SLC25A24: variants seen among roughly 807,000 people sequenced by gnomAD.
SLC25A24 encodes mitochondrial adenyl nucleotide antiporter SLC25A24.
SLC25A24 carries 49 observed loss-of-function variants against 60.7 expected under a neutral mutation model. That is an observed-to-expected ratio of 0.81 (90% CI 0.64 to 1.02). The LOEUF is 1.02. Among genes scored for constraint, SLC25A24 ranks in the 50% least tolerant of loss-of-function variants. The pLI is 0.00. For missense variants in SLC25A24, 564 were observed against 586.3 expected (o/e 0.96, Z 0.39); for synonymous variants, 202 against 200.6 (o/e 1.01, Z -0.06).
intron 3 of SLC25A24, among the ~76,000 whole-genome samples, chr1:108,180,142 T>C (rs978885160): frequency 2.2e-4 from 33 of 152,120 alleles, no homozygotes; most frequent in African/African-American, 7.7e-4. Context: ...GATGGGTGGA[T>C]CACCTGATGT....
chr1:108,169,578 T>C (rs917672052), intron 3 of SLC25A24, among the ~76,000 whole-genome samples: 1 of 152,232 alleles, frequency 6.6e-6, no homozygotes, highest in Non-Finnish European at 1.5e-5. Context: ...CTGTTTCATA[T>C]ACTGTCTGCT....
At chr1:108,199,388 G>C (rs964171637) in intron 1 of SLC25A24, 2 of 153,248 alleles carry the variant, frequency 1.3e-5, no homozygotes, top group Admixed American at 6.5e-5. Flanking sequence ...CAACCCTTCA[G>C]ATCAATTTAT....
intron 3 of SLC25A24, among the ~76,000 whole-genome samples, chr1:108,173,096 G>A (rs575138183): frequency 6.6e-6 from 1 of 152,232 alleles, no homozygotes; most frequent in South Asian, 2.1e-4. Context: ...TTCAGATATG[G>A]TGGCTCATGC....
intron 1 of SLC25A24, among the ~76,000 whole-genome samples, chr1:108,188,504 C>G (rs1299014467): frequency 2.6e-5 from 4 of 152,178 alleles, no homozygotes; most frequent in Admixed American, 1.3e-4. Flanking sequence ...AAAAATGTCA[C>G]AGCATTCTGT....
intron 4 of SLC25A24, among the ~76,000 whole-genome samples, chr1:108,160,622 G>C (rs7412216): frequency 1.2e-4 from 19 of 152,274 alleles, no homozygotes; most frequent in African/African-American, 4.6e-4. Flanking sequence ...AGGTTGTAGC[G>C]AGCCGAGATC....
chr1:108,193,824 GTTCAGTGATC>G lies in SLC25A24; in HGVS notation c.183+6122_183+6131del, dbSNP rs1317826487. On this transcript the variant is annotated intron_variant, in intron 1 of 9. Coordinates refer to ENST00000565488, the MANE Select transcript of SLC25A24 (RefSeq NM_013386.5). ...AAAGATGATCTCAAAATAGGCAAAA[GTTCAGTGATC>G]TTGGGTCCCAGAGAGAAGTCAGCAG... Among the ~76,000 whole-genome samples the G allele has an allele frequency of 2.9e-5, 4 of 139,194 alleles. 1 individual carries two copies. Among genetic ancestry groups the G allele is most frequent in the South Asian group, 2.8e-4 (1 of 3,616 alleles). The allele number at this position is 139,194 out of a possible 152,430, so 91.3% of individuals were successfully genotyped here.
intron 1 of SLC25A24, chr1:108,192,963 T>A: frequency 4.7e-6 from 1 of 212,110 alleles, no homozygotes; most frequent in Middle Eastern, 1.7e-3. Flanking sequence ...TCGGGGCAAC[T>A]CAAGCCCCTT....
chr1:108,145,709 G>A (rs928212891), intron 7 of SLC25A24, among the ~76,000 whole-genome samples: 1 of 152,082 alleles, frequency 6.6e-6, no homozygotes, highest in Non-Finnish European at 1.5e-5. Flanking sequence ...AGATCAGATG[G>A]TTGTAGACGT....
intron 3 of SLC25A24, among the ~76,000 whole-genome samples, chr1:108,173,850 A>T (rs2101630830): frequency 6.6e-6 from 1 of 152,330 alleles, no homozygotes; most frequent in Middle Eastern, 3.4e-3. Flanking sequence ...GAACTGGAGC[A>T]AAGATGACTC....
rs1558024556 is a variant in SLC25A24 at position 108,182,032 on chromosome 1, T to C, written c.311-4A>G. 1.9e-6 allele frequency: 3 copies of C among 1,580,122 alleles called. No homozygotes were observed. The highest frequency in any genetic ancestry group is 2.2e-5 in the East Asian group (1 of 44,600). ...ATTTCTGAAGCCTCAATTTTTCCTT[T>C]AAAAAAATAAAAAGGGCAAAAAATA... On this transcript the variant is annotated splice_region_variant and splice_polypyrimidine_tract_variant and intron_variant, in intron 2 of 9. Coordinates refer to ENST00000565488, the MANE Select transcript of SLC25A24 (RefSeq NM_013386.5).
intron 6 of SLC25A24, among the ~76,000 whole-genome samples, chr1:108,149,943 T>C (rs1006911581): frequency 1.3e-5 from 2 of 152,224 alleles, no homozygotes; most frequent in Non-Finnish European, 2.9e-5. Flanking sequence ...TATATTATCA[T>C]TTCATGAGAT....
At chr1:108,175,349 G>A (rs2101632156) in intron 3 of SLC25A24, among the ~76,000 whole-genome samples, 1 of 152,190 alleles carries the variant, frequency 6.6e-6, no homozygotes, top group South Asian at 2.1e-4. Context: ...GCCATCATGT[G>A]AAGAAGGACG....
Position 108,148,347 on chromosome 1 carries a change from T to C in SLC25A24, c.862A>G (p.Thr288Ala). Residue 288 changes from threonine (T) to alanine (A), a missense_variant, in exon 7 of 10, where the codon ACA (threonine) becomes GCA (alanine). Coordinates refer to ENST00000565488, the MANE Select transcript of SLC25A24 (RefSeq NM_013386.5). ...LLTEEGQKIGTFERFISGSMA... is the reference protein window; with the variant it reads ...LLTEEGQKIGAFERFISGSMA... ...GAACCAGAAATAAATCTCTCAAATG[T>C]TCCTATTTTTTGTCCTTCTTCAGTA... 1 of 1,613,076 alleles carries C rather than the reference T, an allele frequency of 6.2e-7. No individual in the cohort carries two copies. Among genetic ancestry groups the C allele is most frequent in the Non-Finnish European group, 8.5e-7 (1 of 1,179,110 alleles).
In SLC25A24 at chr1:108,185,842, T is replaced by C; in HGVS notation, c.296A>G (p.Asp99Gly). The change falls in exon 2 of 10, where the codon GAC becomes GGC. Residue 99 changes from aspartate (D) to glycine (G), a missense_variant. Transcript: ENST00000565488. ...KKMKLAFKSLDKNNDGKIEAS... is the reference protein window; with the variant it reads ...KKMKLAFKSLGKNNDGKIEAS... ...GAAAGACACACCATCATTATTTTTGTCTAAACTCTTAAATGCCAATTTCAT... is the reference window on the plus strand; with the variant it reads ...GAAAGACACACCATCATTATTTTTGCCTAAACTCTTAAATGCCAATTTCAT... 1.3e-6 allele frequency: 2 copies of C among 1,589,656 alleles called. No individual in the cohort carries two copies. The highest frequency in any genetic ancestry group is 2.3e-5 in the South Asian group (2 of 87,278).
At chr1:108,199,892 C>T (rs767779506) in intron 1 of SLC25A24, 64 bp downstream of exon 1, 28 of 1,326,158 alleles carry the variant, frequency 2.1e-5, no homozygotes, top group Non-Finnish European at 2.8e-5. Context: ...CTCCTCGGTC[C>T]TCGCAGTGTC....
In SLC25A24 at chr1:108,200,167, A is replaced by G. The variant is rs1648619534; in HGVS notation, c.-29T>C. On this transcript the variant is annotated 5_prime_UTR_variant, in exon 1 of 10. Transcript: ENST00000565488. ...CCCAGAGGCGCAGGCGGCCTGGCCG[A>G]GGAAGTCACGGGAGATCGAGGGCTG... 1 of 1,533,372 alleles carries G rather than the reference A, an allele frequency of 6.5e-7. No individual in the cohort carries two copies. Among genetic ancestry groups the G allele is most frequent in the Non-Finnish European group, 8.7e-7 (1 of 1,143,458 alleles). 95.0% of individuals were successfully genotyped at this position (1,533,372 alleles called of 1,614,324 possible).
At position 108,148,363 on chromosome 1, in the gene SLC25A24, T is replaced by G. The variant is rs775932085; in HGVS notation, c.846A>C (p.Glu282Asp). 8.7e-6 allele frequency: 14 copies of G among 1,610,442 alleles called. No individual in the cohort carries two copies. Among genetic ancestry groups the G allele is most frequent in the African/African-American group, 1.3e-5 (1 of 74,818 alleles). The part of the protein sequence containing the change: ...YEQYKKLLTE[E>D]GQKIGTFERF... The stretch of plus-strand genomic sequence containing the variant: ...TCTCAAATGTTCCTATTTTTTGTCC[T>G]TCTTCAGTAAGTAACTTCTTGTACT... The change falls in exon 7 of 10, where the codon GAA becomes GAC. Residue 282 changes from glutamate to aspartate, a missense_variant. Transcript: ENST00000565488.
At chr1:108,164,054 T>C (rs1310528927) in intron 3 of SLC25A24, among the ~76,000 whole-genome samples, 1 of 152,174 alleles carries the variant, frequency 6.6e-6, no homozygotes, top group Non-Finnish European at 1.5e-5. Flanking sequence ...GATAATCATG[T>C]GGTTTTTGTC....
intron 3 of SLC25A24, among the ~76,000 whole-genome samples, chr1:108,178,580 C>T (rs1049464821): frequency 9.2e-5 from 14 of 152,086 alleles, no homozygotes; most frequent in African/African-American, 2.2e-4. Context: ...TCTGGGAGGC[C>T]GAGGCGGGCA....
Sources: gnomAD v4.1 joint callset for allele counts (sites outside exome capture counted in the v4.1 genomes callset) on GRCh38, gnomAD v4.1.1 for gene constraint, MANE v1.5 for transcripts, NCBI Gene and HGNC (gene_info 2026-07-23, HGNC 2026-07-21) for gene names.